Variants in HERC4 observed in about 807,000 individuals in gnomAD.
HERC4 encodes the protein probable E3 ubiquitin-protein ligase HERC4.
Under a neutral mutation model 124.3 loss-of-function variants are expected in HERC4, and 28 were observed. The ratio of observed to expected loss-of-function variants is 0.23; its 90% CI spans 0.17 to 0.31. The LOEUF (loss-of-function observed/expected upper bound fraction) is 0.31. Among genes scored for constraint, HERC4 ranks in the 10% least tolerant of loss-of-function variants. The pLI is 1.00. For synonymous variants in HERC4, 407 were observed against 421.5 expected, an observed-to-expected ratio of 0.97 and a Z score of 0.42; for missense variants, 713 against 1,229.3, an observed-to-expected ratio of 0.58 and a Z score of 6.28.
rs566425253 is a variant in HERC4 at position 67,954,387 on chromosome 10, A to AT, written c.2337+207dup. 3.9e-4 allele frequency: 148 copies of AT among 378,214 alleles called. 2 individuals carry two copies. The South Asian group carries it at 0.016, about 41-fold the overall frequency. The allele number at this position is 378,214 out of a possible 1,614,324, so 23.4% of individuals were successfully genotyped here. On this transcript the variant is annotated intron_variant, in intron 19 of 24. Transcript: ENST00000373700. ...TTTCTGGCTAACCATCTCTTAATTT[A>AT]TTTTGTTAATTTAAAATGTGTGGTA...
intron 4 of HERC4, chr10:68,038,448 G>C (rs1192837797): frequency 1.2e-5 from 3 of 250,872 alleles, no homozygotes; most frequent in Non-Finnish European, 2.3e-5. Context: ...ACTCCTCAGA[G>C]TGCTCTTATA....
At chr10:67,988,532 C>T in intron 15 of HERC4, 131 bp downstream of exon 15, 1 of 600,606 alleles carries the variant, frequency 1.7e-6, no homozygotes. Context: ...GTATAGATAA[C>T]TTTTCCAAAT....
intron 3 of HERC4, chr10:68,070,161 A>C: frequency 1.0e-6 from 1 of 984,862 alleles, no homozygotes; most frequent in Non-Finnish European, 1.2e-6. Flanking sequence ...AAAATAAATA[A>C]GATCCAACAA....
chr10:67,992,179 G>C lies in HERC4; in HGVS notation c.1271+20C>G, dbSNP rs1240554770. The C allele has an allele frequency of 6.2e-7, 1 of 1,610,368 alleles. No individual in the cohort carries two copies. The highest frequency in any genetic ancestry group is 8.5e-7 in the Non-Finnish European group (1 of 1,178,482). ...TTACAGGCATGAGCCACTGTGCCTG[G>C]CCCAAAATGCTTTTCTTACTTGGCT... is the stretch of plus-strand genomic sequence containing the variant. On this transcript the variant is annotated intron_variant, in intron 11 of 24. Coordinates refer to ENST00000373700, the MANE Select transcript of HERC4 (RefSeq NM_015601.4).
chr10:68,008,155 T>A (rs1305759462), intron 9 of HERC4: 3 of 152,282 alleles, frequency 2.0e-5, no homozygotes, highest in Admixed American at 6.6e-5. Context: ...AGTTTCCCTC[T>A]CACTCTCTCT....
At chr10:68,047,653 C>G (rs531276078) in intron 3 of HERC4, among the ~76,000 whole-genome samples, 31 of 152,190 alleles carry the variant, frequency 2.0e-4, no homozygotes, top group African/African-American at 7.0e-4. Flanking sequence ...ACTTATGTCC[C>G]ATGGGAATTA....
chr10:68,038,025 T>G, intron 5 of HERC4, 68 bp downstream of exon 5: 1 of 844,082 alleles, frequency 1.2e-6, no homozygotes, highest in Non-Finnish European at 1.9e-6. Context: ...GCTGGAGAAC[T>G]ATATGCACAA....
At position 68,058,171 on chromosome 10, in the gene HERC4, T is replaced by C. The variant is rs547466370; in HGVS notation, c.227-13608A>G. ...AGGTAAAGGAATCCAATCCATTTTA[T>C]ATCGCTCCAATAAAGCATTACCTCT... On this transcript the variant is annotated intron_variant, in intron 3 of 24. Transcript: ENST00000373700. Among the ~76,000 whole-genome samples, 256 of 152,330 alleles carry C rather than the reference T, an allele frequency of 1.7e-3. 7 individuals are homozygous for C. Among genetic ancestry groups the C allele is most frequent in the Non-Finnish European group, 4.3e-4 (29 of 68,032 alleles).
chr10:67,946,836 G>A (rs2033399400), intron 19 of HERC4, among the ~76,000 whole-genome samples: 1 of 152,120 alleles, frequency 6.6e-6, no homozygotes, highest in South Asian at 2.1e-4. Context: ...GAACCTGGGA[G>A]GTAGATGTTG....
rs1340736190 is a variant in HERC4, at chr10:67,992,737, G to A, written c.1070-55C>T. ...CAAGATTTACATAACATATTTCAGA[G>A]CATCAATATGCCATTAGATTTTCAC... On this transcript the variant is annotated intron_variant, in intron 9 of 24. Coordinates refer to ENST00000373700, the MANE Select transcript of HERC4 (RefSeq NM_015601.4). 3.7e-6 allele frequency: 3 copies of A among 813,700 alleles called. No homozygotes were observed. In the African/African-American group the frequency reaches 5.3e-5, roughly 14 times the overall value. The allele number at this position is 813,700 out of a possible 1,614,324, so 50.4% of individuals were successfully genotyped here.
At chr10:68,050,658 A>G (rs182724046) in intron 3 of HERC4, among the ~76,000 whole-genome samples, 66 of 152,324 alleles carry the variant, frequency 4.3e-4, no homozygotes, top group African/African-American at 1.1e-3. Flanking sequence ...TAACTTCACT[A>G]TAATTTTTAA....
chr10:67,924,913 G>C (rs1458076611), intron 24 of HERC4, among the ~76,000 whole-genome samples, 172 bp downstream of exon 24: 1 of 152,162 alleles, frequency 6.6e-6, no homozygotes, highest in Admixed American at 6.5e-5. Context: ...ATGAATCAAT[G>C]CTATTTTGAA....
chr10:67,982,423 T>C (rs550011830), intron 15 of HERC4, among the ~76,000 whole-genome samples: 6 of 152,164 alleles, frequency 3.9e-5, no homozygotes, highest in Non-Finnish European at 7.3e-5. Context: ...TGAATATCTG[T>C]ATGAAGAAGA....
rs1356414349 is a variant in HERC4, at chr10:68,040,429, G to A, written c.387-2260C>T. 4.5e-6 allele frequency: 4 copies of A among 890,516 alleles called. No individual in the cohort carries two copies. The Admixed American group carries it at 2.5e-4, about 55-fold the overall frequency. The allele number at this position is 890,516 out of a possible 1,614,324, so 55.2% of individuals were successfully genotyped here. A position where few individuals can be genotyped will look rare whatever the true frequency, so the allele number is the denominator to read the frequency against. ...GCTTTTAGAAATTAAAAAATACTGTGAATGGTAAAACAAGGCTTCCCATGT... is the reference window on the plus strand; with the variant it reads ...GCTTTTAGAAATTAAAAAATACTGTAAATGGTAAAACAAGGCTTCCCATGT... On this transcript the variant is annotated intron_variant, in intron 4 of 24. Transcript: ENST00000373700.
At chr10:67,934,222 C>A (rs1158786682) in intron 22 of HERC4, among the ~76,000 whole-genome samples, 2 of 152,070 alleles carry the variant, frequency 1.3e-5, no homozygotes, top group African/African-American at 4.8e-5. Flanking sequence ...ATTTTTGGTT[C>A]AATATTTGTT....
intron 19 of HERC4, among the ~76,000 whole-genome samples, chr10:67,942,500 C>T (rs960664341): frequency 7.2e-5 from 11 of 151,974 alleles, no homozygotes; most frequent in Non-Finnish European, 1.2e-4. Context: ...CCTCTACCCC[C>T]GTTCCAGTTT....
At chr10:68,003,072 T>A (rs956428680) in intron 9 of HERC4, among the ~76,000 whole-genome samples, 1 of 152,156 alleles carries the variant, frequency 6.6e-6, no homozygotes, top group Non-Finnish European at 1.5e-5. Context: ...TATTTATTTT[T>A]AAATGTACAA....
intron 9 of HERC4, among the ~76,000 whole-genome samples, chr10:67,996,312 GAC>G (rs10605641): frequency 0.4 from 13,236 of 32,824 alleles, 1,391 homozygotes; most frequent in African/African-American, 0.42. Context: ...CCTTGAAATA[GAC>G]ACCCCCCCTG....
chr10:68,002,889 C>T (rs1433248871), intron 9 of HERC4, among the ~76,000 whole-genome samples: 2 of 151,752 alleles, frequency 1.3e-5, no homozygotes, highest in Non-Finnish European at 1.5e-5. Flanking sequence ...CCTGAGCCAC[C>T]GTGCCTAGCC....
Sources: allele counts gnomAD v4.1 joint callset (sites outside exome capture counted in the v4.1 genomes callset), GRCh38; gene constraint gnomAD v4.1.1; transcripts MANE v1.5; gene names NCBI Gene and HGNC (gene_info 2026-07-23, HGNC 2026-07-21).